Variants in CALN1 observed in about 807,000 individuals in gnomAD.
CALN1 encodes the protein calcium-binding protein 8.
CALN1 carries 17 observed loss-of-function variants against 30.6 expected under a neutral mutation model. The observed-to-expected ratio is 0.56, with a 90% CI of 0.38 to 0.83. The LOEUF (loss-of-function observed/expected upper bound fraction) is 0.83. Among genes scored for constraint, CALN1 ranks in the 40% least tolerant of loss-of-function variants. The pLI is 0.00. For synonymous variants in CALN1, 156 were observed against 131.4 expected (o/e 1.19, Z -1.28); for missense variants, 291 against 354.9 (o/e 0.82, Z 1.45).
At chr7:72,089,379 T>C (rs367782041) in intron 4 of CALN1, among the ~76,000 whole-genome samples, 5 of 152,052 alleles carry the variant, frequency 3.3e-5, no homozygotes, top group African/African-American at 1.2e-4. Context: ...AAATAATAAC[T>C]TCATACTAGG....
chr7:71,860,086 C>T (rs749659512), intron 5 of CALN1, among the ~76,000 whole-genome samples: 3 of 152,112 alleles, frequency 2.0e-5, no homozygotes, highest in Non-Finnish European at 4.4e-5. Context: ...GAGCATATCT[C>T]CCAGGATATT....
chr7:72,125,838 G>A (rs1179390821), intron 3 of CALN1, among the ~76,000 whole-genome samples: 1 of 126,432 alleles, frequency 7.9e-6, no homozygotes, highest in East Asian at 2.1e-4. Context: ...GTCTTGCCCT[G>A]TCGCCCAGGC....
At chr7:72,469,465 C>T in the CALN1 span, among the ~76,000 whole-genome samples, 6 of 152,128 alleles carry the variant, frequency 3.9e-5, no homozygotes, top group Non-Finnish European at 5.9e-5. Context: ...GTTGCCATCT[C>T]GGCTCACTGC....
chr7:71,847,725 G>A lies in CALN1; in HGVS notation c.502-37233C>T, dbSNP rs865838767. ...AGAAAGAAGAAAGAAGAAAGAAGAAGAAAGAAGAAAGAAGAAAGAAGAAGA... is the reference window on the plus strand; with the variant it reads ...AGAAAGAAGAAAGAAGAAAGAAGAAAAAAGAAGAAAGAAGAAAGAAGAAGA... On this transcript the variant is annotated intron_variant, in intron 5 of 6. Coordinates refer to ENST00000395275, the MANE Select transcript of CALN1 (RefSeq NM_031468.4). Among the ~76,000 whole-genome samples the A allele has an allele frequency of 3.3e-3, 318 of 95,816 alleles. 3 individuals are homozygous for A. Among genetic ancestry groups the A allele is most frequent in the African/African-American group, 0.018 (298 of 16,296 alleles). 62.9% of individuals were successfully genotyped at this position (95,816 alleles called of 152,430 possible).
intron 2 of CALN1, among the ~76,000 whole-genome samples, chr7:72,287,875 A>G (rs943168644): frequency 5.3e-5 from 8 of 152,180 alleles, no homozygotes; most frequent in South Asian, 2.1e-4. Context: ...TCTGAACTGC[A>G]TATCTAGATA....
chr7:72,401,500 A>G (rs1806341992), intron 2 of CALN1, among the ~76,000 whole-genome samples: 1 of 152,302 alleles, frequency 6.6e-6, no homozygotes, highest in Non-Finnish European at 1.5e-5. Context: ...GCGCACACAA[A>G]TGTGTGACTG....
intron 4 of CALN1, among the ~76,000 whole-genome samples, chr7:72,038,362 A>G (rs1801927301): frequency 6.8e-6 from 1 of 148,146 alleles, no homozygotes; most frequent in Admixed American, 6.7e-5. Context: ...TTTTGCACCA[A>G]CCTAGTATCT....
intron 4 of CALN1, 104 bp from the exon 5 acceptor site, chr7:72,023,873 A>C: frequency 2.9e-6 from 2 of 696,906 alleles, no homozygotes; most frequent in Non-Finnish European, 4.9e-6. Context: ...CATGACCTCA[A>C]TCAATGAAGA....
Position 71,851,140 on chromosome 7 carries a change from C to T in CALN1, c.502-40648G>A, listed in dbSNP as rs1206040931. On this transcript the variant is annotated intron_variant, in intron 5 of 6. Coordinates refer to ENST00000395275, the MANE Select transcript of CALN1 (RefSeq NM_031468.4). ...CTAAGGTGTGAGGGTTGCGTGAACC[C>T]AAGTTACAGTGACCTGTGACTGCAT... Among the ~76,000 whole-genome samples the T allele has an allele frequency of 2.7e-4, 41 of 151,418 alleles. No individual in the cohort carries two copies. In the South Asian group the frequency reaches 8.6e-3, roughly 32 times the overall value.
At chr7:71,883,209 A>T (rs1417057931) in intron 5 of CALN1, among the ~76,000 whole-genome samples, 1 of 152,162 alleles carries the variant, frequency 6.6e-6, no homozygotes, top group Non-Finnish European at 1.5e-5. Context: ...CTGTTGTGTC[A>T]TCAGTATCCA....
At chr7:71,950,835 C>T (rs1796652234) in intron 5 of CALN1, among the ~76,000 whole-genome samples, 2 of 152,196 alleles carry the variant, frequency 1.3e-5, no homozygotes, top group Non-Finnish European at 2.9e-5. Context: ...TGCCAAGCTG[C>T]TCCCACCTTA....
chr7:72,008,133 T>C lies in CALN1; in HGVS notation c.501+15524A>G, dbSNP rs192061726. On this transcript the variant is annotated intron_variant, in intron 5 of 6. Transcript: ENST00000395275. Reference sequence around the variant, plus strand: ...GTGCAAGCAATCTATTCAATTACCATATTATGTTTGCAGAAATCAAACACA... The same window carrying C: ...GTGCAAGCAATCTATTCAATTACCACATTATGTTTGCAGAAATCAAACACA... 3.7e-3 allele frequency among the ~76,000 whole-genome samples: 566 copies of C among 152,300 alleles called. 6 individuals carry two copies. The highest frequency in any genetic ancestry group is 0.013 in the African/African-American group (538 of 41,566).
chr7:72,008,657 ATT>A (rs377110167), intron 5 of CALN1, among the ~76,000 whole-genome samples: 26 of 139,250 alleles, frequency 1.9e-4, no homozygotes, highest in African/African-American at 4.3e-4. Flanking sequence ...AAGACTTTCA[ATT>A]TTTTTTTTTT....
chr7:72,271,564 T>TAAAAAA lies in CALN1; in HGVS notation c.244+7116_244+7121dup, dbSNP rs1305576740. Among the ~76,000 whole-genome samples the TAAAAAA allele has an allele frequency of 3.6e-3, 231 of 64,502 alleles. 12 individuals are homozygous for TAAAAAA. Among genetic ancestry groups the TAAAAAA allele is most frequent in the Non-Finnish European group, 4.1e-3 (164 of 39,732 alleles). The allele number at this position is 64,502 out of a possible 152,430, so 42.3% of individuals were successfully genotyped here. ...AGCATGAACCACTGTGCCTGCCTTTTAAAAAAAAAAAATATATATATATAT... is the reference window on the plus strand; with the variant it reads ...AGCATGAACCACTGTGCCTGCCTTTTAAAAAAAAAAAAAAAAAATATATATATATAT... On this transcript the variant is annotated intron_variant, in intron 3 of 6. Coordinates refer to ENST00000395275, the MANE Select transcript of CALN1 (RefSeq NM_031468.4).
At chr7:72,432,796 T>C (rs1346607124) in intron 1 of CALN1, among the ~76,000 whole-genome samples, 3 of 152,186 alleles carry the variant, frequency 2.0e-5, no homozygotes, top group Non-Finnish European at 4.4e-5. Flanking sequence ...CTTTATGACA[T>C]GCTTCAGCAA....
chr7:71,856,228 C>T (rs1562844298), intron 5 of CALN1, among the ~76,000 whole-genome samples: 1 of 151,416 alleles, frequency 6.6e-6, no homozygotes, highest in East Asian at 1.9e-4. Context: ...TATACATATA[C>T]ATATATTTAA....
intron 3 of CALN1, among the ~76,000 whole-genome samples, chr7:72,230,377 T>C (rs1284827259): frequency 7.2e-6 from 1 of 139,368 alleles, no homozygotes; most frequent in Non-Finnish European, 1.5e-5. Context: ...TGTGGTAGCA[T>C]ACACCTGCAG....
chr7:72,105,077 T>C (rs937760057), intron 4 of CALN1, among the ~76,000 whole-genome samples: 2 of 151,646 alleles, frequency 1.3e-5, no homozygotes, highest in African/African-American at 4.8e-5. Context: ...GGCGTTCTGC[T>C]CCTGTGTTAG....
At chr7:71,850,223 G>T (rs1584367154) in intron 5 of CALN1, among the ~76,000 whole-genome samples, 2 of 152,210 alleles carry the variant, frequency 1.3e-5, no homozygotes, top group East Asian at 3.9e-4. Flanking sequence ...TTTTGTTGTT[G>T]TTTTTTCTTG....
Sources: gnomAD v4.1 joint callset for allele counts (sites outside exome capture counted in the v4.1 genomes callset) on GRCh38, gnomAD v4.1.1 for gene constraint, MANE v1.5 for transcripts, NCBI Gene and HGNC (gene_info 2026-07-23, HGNC 2026-07-21) for gene names.